Variants in MARCHF1 observed in about 807,000 individuals in gnomAD.
MARCHF1 encodes membrane associated ring-CH-type finger 1.
Under a neutral mutation model 54.2 loss-of-function variants are expected in MARCHF1, and 40 were observed. The observed-to-expected ratio is 0.74, with a 90% CI of 0.57 to 0.96. The LOEUF (loss-of-function observed/expected upper bound fraction) is 0.96, where lower values mean the gene tolerates loss of function less well. Ranked by LOEUF, MARCHF1 falls within the 40% of genes least tolerant of loss-of-function variation. The probability of loss-of-function intolerance (pLI) is 0.00; values close to 1 mark genes in which losing one functional copy is unlikely to be tolerated. For missense variants in MARCHF1, 586 were observed against 656.5 expected (o/e 0.89, Z 1.17); for synonymous variants, 236 against 236.3 (o/e 1.00, Z 0.01).
At position 163,918,372 on chromosome 4, in the gene MARCHF1, T is replaced by C. The variant is rs78692537; in HGVS notation, c.-38-64203A>G. Among the ~76,000 whole-genome samples, 104 of 152,292 alleles carry C rather than the reference T, an allele frequency of 6.8e-4. 2 individuals are homozygous for C. In the East Asian group the frequency reaches 0.02, roughly 29 times the overall value. ...CCGTCTGTTGTTTGTCTTCTCATGC[T>C]TTGACTGTGTTATACCTTTTATGGT... On this transcript the variant is annotated intron_variant, in intron 3 of 9. Coordinates refer to ENST00000514618, the MANE Select transcript of MARCHF1 (RefSeq NM_001394959.1).
intron 1 of MARCHF1, among the ~76,000 whole-genome samples, chr4:164,167,111 G>T (rs1223534923): frequency 1.3e-5 from 2 of 151,598 alleles, no homozygotes; most frequent in Non-Finnish European, 3.0e-5. Context: ...CAATCACCAT[G>T]GTTGTAAAGA....
chr4:163,601,685 T>C (rs1321682529), intron 7 of MARCHF1, among the ~76,000 whole-genome samples: 1 of 152,102 alleles, frequency 6.6e-6, no homozygotes, highest in Non-Finnish European at 1.5e-5. Flanking sequence ...AGCATCATAC[T>C]TCTATCTATT....
intron 2 of MARCHF1, among the ~76,000 whole-genome samples, chr4:164,033,953 T>A (rs1388018584): frequency 6.6e-6 from 1 of 152,162 alleles, no homozygotes; most frequent in East Asian, 1.9e-4. Context: ...TAAATCATTC[T>A]ATTATCAAGA....
intron 4 of MARCHF1, among the ~76,000 whole-genome samples, chr4:163,828,054 C>CACAGAG (rs774603753): frequency 0.02 from 2,915 of 148,254 alleles, 52 homozygotes; most frequent in South Asian, 0.045. Flanking sequence ...CACACACACA[C>CACAGAG]AGACACACCT....
intron 8 of MARCHF1, among the ~76,000 whole-genome samples, chr4:163,570,275 G>T (rs1330954574): frequency 2.0e-5 from 3 of 151,944 alleles, no homozygotes; most frequent in African/African-American, 7.3e-5. Flanking sequence ...ATACTGATTT[G>T]GTAAGAACAA....
At chr4:163,638,159 G>A (rs1209526367) in intron 5 of MARCHF1, among the ~76,000 whole-genome samples, 1 of 150,362 alleles carries the variant, frequency 6.7e-6, no homozygotes, top group South Asian at 2.1e-4. Flanking sequence ...GAGTTAGTGG[G>A]TGCAGCGCAC....
chr4:163,672,126 T>C (rs773652263), intron 5 of MARCHF1, among the ~76,000 whole-genome samples: 1 of 152,218 alleles, frequency 6.6e-6, no homozygotes, highest in Non-Finnish European at 1.5e-5. Context: ...CCATGTGATC[T>C]TGAGCATGTA....
At chr4:164,319,430 G>A (rs1416883825) in intron 1 of MARCHF1, among the ~76,000 whole-genome samples, 1 of 152,124 alleles carries the variant, frequency 6.6e-6, no homozygotes, top group Admixed American at 6.6e-5. Flanking sequence ...AAGATGAGCA[G>A]CATCCCAAGC....
chr4:163,534,034 T>G (rs1306674521), intron 9 of MARCHF1, among the ~76,000 whole-genome samples: 1 of 152,026 alleles, frequency 6.6e-6, no homozygotes, highest in Non-Finnish European at 1.5e-5. Context: ...CAAAGTCCTA[T>G]CTGGGTAGCT....
intron 5 of MARCHF1, among the ~76,000 whole-genome samples, chr4:163,695,712 A>G (rs1744606149): frequency 6.6e-6 from 1 of 152,142 alleles, no homozygotes; most frequent in Non-Finnish European, 1.5e-5. Flanking sequence ...AATTCTGTTG[A>G]CTTGAATTGG....
chr4:164,354,458 T>C (rs1236902604), intron 1 of MARCHF1, among the ~76,000 whole-genome samples: 2 of 132,100 alleles, frequency 1.5e-5, no homozygotes, highest in African/African-American at 5.7e-5. Context: ...GCTGGTTCAA[T>C]ATACGCAAAT....
At chr4:164,053,849 T>A (rs1241744552) in intron 2 of MARCHF1, among the ~76,000 whole-genome samples, 1 of 152,158 alleles carries the variant, frequency 6.6e-6, no homozygotes, top group African/African-American at 2.4e-5. Context: ...GTTCTAATTG[T>A]CAGAAATAGG....
chr4:163,818,380 G>GC (rs1748600706), intron 4 of MARCHF1, among the ~76,000 whole-genome samples: 1 of 151,862 alleles, frequency 6.6e-6, no homozygotes, highest in African/African-American at 2.4e-5. Flanking sequence ...ATTAACCCCA[G>GC]CATCCATTAA....
At chr4:164,033,123 A>C (rs989356790) in intron 2 of MARCHF1, among the ~76,000 whole-genome samples, 5 of 151,720 alleles carry the variant, frequency 3.3e-5, no homozygotes, top group Admixed American at 6.6e-5. Flanking sequence ...GCAGTGAGCC[A>C]AGATTGTGCC....
intron 2 of MARCHF1, among the ~76,000 whole-genome samples, chr4:164,020,651 G>T (rs1413678057): frequency 6.6e-6 from 1 of 152,192 alleles, no homozygotes; most frequent in Non-Finnish European, 1.5e-5. Context: ...TCCAGGTAGG[G>T]CTGGGTGCCA....
chr4:163,924,355 T>C (rs1038706287), intron 3 of MARCHF1, among the ~76,000 whole-genome samples: 13 of 151,994 alleles, frequency 8.6e-5, no homozygotes, highest in African/African-American at 2.9e-4. Context: ...AGAAAAATCA[T>C]GAGCTAAGGA....
chr4:163,602,037 T>C (rs967860736), intron 7 of MARCHF1, among the ~76,000 whole-genome samples: 7 of 151,980 alleles, frequency 4.6e-5, no homozygotes, highest in Non-Finnish European at 7.4e-5. Context: ...AAGGCATATC[T>C]TTAAAATATA....
At chr4:164,353,889 G>A (rs1373033343) in intron 1 of MARCHF1, among the ~76,000 whole-genome samples, 1 of 133,404 alleles carries the variant, frequency 7.5e-6, no homozygotes, top group Admixed American at 7.6e-5. Flanking sequence ...GAAAAAAAGA[G>A]AGAAGAATCA....
At chr4:164,250,050 CAG>C (rs1391591455) in intron 1 of MARCHF1, among the ~76,000 whole-genome samples, 1 of 151,992 alleles carries the variant, frequency 6.6e-6, no homozygotes, top group African/African-American at 2.4e-5. Context: ...CCCAGGAGCA[CAG>C]ATAGTAGCAG....
Sources: allele counts gnomAD v4.1 joint callset (sites outside exome capture counted in the v4.1 genomes callset), GRCh38; gene constraint gnomAD v4.1.1; transcripts MANE v1.5; gene names NCBI Gene and HGNC (gene_info 2026-07-23, HGNC 2026-07-21).